COL1A2: variants seen among roughly 807,000 people sequenced by gnomAD.
The protein encoded by COL1A2 is collagen alpha-2(I) chain.
COL1A2 carries 49 observed loss-of-function variants against 174.3 expected under a neutral mutation model. The ratio of observed to expected loss-of-function variants is 0.28; its 90% CI spans 0.22 to 0.36. The LOEUF (loss-of-function observed/expected upper bound fraction) is 0.36. Among genes scored for constraint, COL1A2 ranks in the 10% least tolerant of loss-of-function variants. The pLI is 1.00. For missense variants in COL1A2, 1,438 were observed against 1,822.7 expected, an observed-to-expected ratio of 0.79 and a Z score of 3.84; for synonymous variants, 655 against 606.6, an observed-to-expected ratio of 1.08 and a Z score of -1.17.
rs528609716 is a variant in COL1A2, at chr7:94,410,739, A to G, written c.1198-150A>G. 1.3e-4 allele frequency: 125 copies of G among 948,366 alleles called. No individual in the cohort carries two copies. In the East Asian group the frequency reaches 2.9e-3, roughly 22 times the overall value. The allele number at this position is 948,366 out of a possible 1,614,324, so 58.7% of individuals were successfully genotyped here. A position where few individuals can be genotyped will look rare whatever the true frequency, so the allele number is the denominator to read the frequency against. ...ACCTACTTTTGCAGGATGCTCATCT[A>G]TGAATTCCTCTAGGGGTTGGGTGAA... On this transcript the variant is annotated intron_variant, in intron 21 of 51. Coordinates refer to ENST00000297268, the MANE Select transcript of COL1A2 (RefSeq NM_000089.4).
In COL1A2 at chr7:94,416,413, C is replaced by T. The variant is rs774232044; in HGVS notation, c.1773C>T (p.Arg591=). The T allele has an allele frequency of 3.6e-5, 57 of 1,574,532 alleles. No individual in the cohort carries two copies. The highest frequency in any genetic ancestry group is 7.3e-5 in the Admixed American group (4 of 54,906). Residue 591 remains arginine (R), a synonymous_variant, in exon 31 of 52, where the codon CGC becomes CGT. Coordinates refer to ENST00000297268, the MANE Select transcript of COL1A2 (RefSeq NM_000089.4). ...CTAATCACTTTTTTCAGGGGGAACG[C>T]GGTCCCCCAGGTGAGAGTGGTGCTG... ...LPGPAGPRGE[R]GPPGESGAAG... is the part of the protein sequence containing the mutation.
At position 94,426,434 on chromosome 7, in the gene COL1A2, C is replaced by T; in HGVS notation, c.3009C>T (p.Gly1003=). Residue 1003 remains glycine (G), a synonymous_variant, in exon 46 of 52, where the codon GGC becomes GGT. Transcript: ENST00000297268. The part of the protein sequence containing the change: ...VGPRGPSGPQ[G]IRGDKGEPGE... Reference sequence around the variant, plus strand: ...CTGTTTCTTTATAGGGCCCACAAGGCATTCGTGGCGATAAGGGAGAGCCCG... The same window carrying T: ...CTGTTTCTTTATAGGGCCCACAAGGTATTCGTGGCGATAAGGGAGAGCCCG... The T allele has an allele frequency of 6.3e-7, 1 of 1,598,026 alleles. No homozygotes were observed. The highest frequency in any genetic ancestry group is 1.3e-5 in the African/African-American group (1 of 74,838).
chr7:94,419,056 T>A (rs1315679456), intron 33 of COL1A2, among the ~76,000 whole-genome samples: 1 of 147,776 alleles, frequency 6.8e-6, no homozygotes, highest in Non-Finnish European at 1.5e-5. Flanking sequence ...TTATCTCGTA[T>A]GTCAGCCTCA....
chr7:94,415,167 C>T, intron 29 of COL1A2, 59 bp from the exon 30 acceptor site: 1 of 1,494,056 alleles, frequency 6.7e-7, no homozygotes, highest in Non-Finnish European at 9.3e-7. Context: ...ATATTTTAAT[C>T]ATAAGTGAAT....
chr7:94,428,414 G>A lies in COL1A2; in HGVS notation c.3648G>A (p.Trp1216Ter). 6.2e-7 allele frequency: 1 copy of A among 1,614,092 alleles called. No homozygotes were observed. Among genetic ancestry groups the A allele is most frequent in the Non-Finnish European group, 8.5e-7 (1 of 1,180,000 alleles). The change falls in exon 50 of 52, where the codon TGG becomes TGA. Residue 1216 changes from tryptophan (W) to a stop codon, truncating the protein, a stop_gained. Transcript: ENST00000297268. LOFTEE classifies it high-confidence loss of function. ...CTGAAAACATCCCAGCCAAGAACTG[G>A]TATAGGAGCTCCAAGGACAAGAAAC... ...AQPENIPAKN[W>*]YRSSKDKKHV... is the part of the protein sequence containing the mutation.
chr7:94,398,983 T>C lies in COL1A2; in HGVS notation c.97-66T>C, dbSNP rs146798589. The C allele has an allele frequency of 4.8e-4, 696 of 1,461,024 alleles. 5 individuals carry two copies. In the African/African-American group the frequency reaches 8.7e-3, roughly 18 times the overall value. The allele number at this position is 1,461,024 out of a possible 1,614,324, so 90.5% of individuals were successfully genotyped here. ...ACCAACTAATTATTATCAAGAATGA[T>C]TTGTTTGTTCACTGGAAATTACTTC... is the stretch of plus-strand genomic sequence containing the variant. On this transcript the variant is annotated intron_variant, in intron 3 of 51. Transcript: ENST00000297268.
At chr7:94,408,734 G>A (rs775717418) in intron 15 of COL1A2, 36 bp from the exon 16 acceptor site, 8 of 1,610,626 alleles carry the variant, frequency 5.0e-6, no homozygotes, top group Non-Finnish European at 6.8e-6. Context: ...AATTTACTTG[G>A]AGGAAATTTC....
At chr7:94,419,117 C>T (rs1250362702) in intron 33 of COL1A2, among the ~76,000 whole-genome samples, 1 of 149,742 alleles carries the variant, frequency 6.7e-6, no homozygotes, top group Non-Finnish European at 1.5e-5. Context: ...ACCTCTCCTT[C>T]AGAGCTGAAA....
chr7:94,426,472 C>T lies in COL1A2; in HGVS notation c.3047C>T (p.Pro1016Leu). 1 of 1,607,466 alleles carries T rather than the reference C, an allele frequency of 6.2e-7. No homozygotes were observed. Among genetic ancestry groups the T allele is most frequent in the East Asian group, 2.2e-5 (1 of 44,694 alleles). Residue 1016 changes from proline to leucine, a missense_variant, in exon 46 of 52, where the codon CCC (proline) becomes CTC (leucine). Physicochemically the swap from Pro to Leu is moderately conservative, Grantham distance 98. This residue lies in a region of COL1A2 where 867 missense variants were observed against 1,213.7 expected (regional missense o/e 0.71). Coordinates refer to ENST00000297268, the MANE Select transcript of COL1A2 (RefSeq NM_000089.4). ...AAGGGAGAGCCCGGTGAAAAGGGGC[C>T]CAGAGGTCTTCCTGGCTTAAAGGGA... ...GDKGEPGEKG[P>L]RGLPGLKGHN...
intron 42 of COL1A2, 186 bp from the exon 43 acceptor site, chr7:94,425,424 G>A (rs1792252586): frequency 1.2e-6 from 1 of 827,198 alleles, no homozygotes; most frequent in African/African-American, 1.7e-5. Context: ...TGCAAAACTG[G>A]GCCCAAGTAT....
At chr7:94,425,286 T>A in intron 42 of COL1A2, 62 bp downstream of exon 42, 2 of 1,459,926 alleles carry the variant, frequency 1.4e-6, no homozygotes, top group South Asian at 1.2e-5. Flanking sequence ...TGAAACTTTA[T>A]GTCCTGAGCT....
Position 94,413,121 on chromosome 7 carries a change from T to C in COL1A2, c.1542T>C (p.Gly514=), listed in dbSNP as rs772135870. The C allele has an allele frequency of 1.9e-6, 3 of 1,614,116 alleles. No homozygotes were observed. The African/African-American group carries it at 4.0e-5, about 22-fold the overall frequency. The change falls in exon 26 of 52, where the codon GGT becomes GGC. Residue 514 remains glycine, a synonymous_variant. Coordinates refer to ENST00000297268, the MANE Select transcript of COL1A2 (RefSeq NM_000089.4). The part of the protein sequence containing the change: ...PGKNGDKGHA[G]LAGARGAPGP... The stretch of plus-strand genomic sequence containing the variant: ...AAAACGGTGATAAAGGTCATGCTGG[T>C]CTTGCTGGTGCTCGGGTAGGTGCTA...
chr7:94,407,520 G>A (rs940785775), intron 12 of COL1A2, among the ~76,000 whole-genome samples: 4 of 152,130 alleles, frequency 2.6e-5, no homozygotes, highest in Non-Finnish European at 5.9e-5. Flanking sequence ...TACATTGAAA[G>A]CAAATTTATC....
At chr7:94,412,033 G>A in intron 23 of COL1A2, 35 bp from the exon 24 acceptor site, 1 of 1,567,810 alleles carries the variant, frequency 6.4e-7, no homozygotes, top group East Asian at 2.3e-5. Context: ...GTAAGTTAAA[G>A]TGCCAATATA....
intron 34 of COL1A2, among the ~76,000 whole-genome samples, chr7:94,419,833 T>G (rs886230881): frequency 6.6e-6 from 1 of 152,182 alleles, no homozygotes; most frequent in African/African-American, 2.4e-5. Flanking sequence ...CACTGAGGCT[T>G]CTCAAAGCCT....
At chr7:94,395,204 T>C in intron 1 of COL1A2, 103 bp downstream of exon 1, 1 of 914,222 alleles carries the variant, frequency 1.1e-6, no homozygotes, top group Non-Finnish European at 1.8e-6. Context: ...CCAGGTACAC[T>C]TGGAGGGCAG....
rs563774670 is a variant in COL1A2, at chr7:94,400,127, T to C, written c.133-69T>C. ...ATAGAAAGGTCTGAACAACTGATCT[T>C]ACCACATATAATTCTTAGGTTTCTA... On this transcript the variant is annotated intron_variant, in intron 4 of 51. Transcript: ENST00000297268. 1.1e-5 allele frequency: 15 copies of C among 1,423,044 alleles called. 1 individual carries two copies. In the African/African-American group the frequency reaches 1.1e-4, roughly 11 times the overall value. The allele number at this position is 1,423,044 out of a possible 1,614,324, so 88.2% of individuals were successfully genotyped here. A position where few individuals can be genotyped will look rare whatever the true frequency, so the allele number is the denominator to read the frequency against.
Position 94,420,376 on chromosome 7 carries a change from C to A in COL1A2, c.2134-15C>A. ...AGGATTGATAACACATTTTTAAATCCCTTCTCCCACCTAGGGTGAACGTGG... is the reference window on the plus strand; with the variant it reads ...AGGATTGATAACACATTTTTAAATCACTTCTCCCACCTAGGGTGAACGTGG... On this transcript the variant is annotated splice_polypyrimidine_tract_variant and intron_variant, in intron 35 of 51. Coordinates refer to ENST00000297268, the MANE Select transcript of COL1A2 (RefSeq NM_000089.4). 5.0e-6 allele frequency: 8 copies of A among 1,614,038 alleles called. No homozygotes were observed. Among genetic ancestry groups the A allele is most frequent in the Non-Finnish European group, 5.9e-6 (7 of 1,180,004 alleles).
At chr7:94,417,993 T>TC (rs1164629146) in intron 32 of COL1A2, among the ~76,000 whole-genome samples, 162 bp downstream of exon 32, 1 of 152,168 alleles carries the variant, frequency 6.6e-6, no homozygotes. Flanking sequence ...ATTTCTAAAC[T>TC]CACTAATCTG....
Sources: allele counts gnomAD v4.1 joint callset (sites outside exome capture counted in the v4.1 genomes callset), GRCh38; gene constraint gnomAD v4.1.1; regional missense constraint gnomAD v4.1.1; transcripts MANE v1.5; gene names NCBI Gene and HGNC (gene_info 2026-07-23, HGNC 2026-07-21).